ABLIM1: variants seen among roughly 807,000 people sequenced by gnomAD.
ABLIM1 encodes the protein actin-binding LIM protein 1.
In ABLIM1, 40 loss-of-function variants were observed where a neutral mutation model predicts 107.0. The ratio of observed to expected loss-of-function variants is 0.37; its 90% CI spans 0.29 to 0.49. The LOEUF is 0.49. Ranked by LOEUF, ABLIM1 falls within the 20% of genes least tolerant of loss-of-function variation. ABLIM1 has a pLI of 0.97. For synonymous variants in ABLIM1, 357 were observed against 357.3 expected, an observed-to-expected ratio of 1.00 and a Z score of 0.01; for missense variants, 857 against 1,008.5, an observed-to-expected ratio of 0.85 and a Z score of 2.04.
chr10:114,541,627 G>C (rs2066671284), intron 6 of ABLIM1, among the ~76,000 whole-genome samples: 1 of 152,182 alleles, frequency 6.6e-6, no homozygotes, highest in Admixed American at 6.5e-5. Flanking sequence ...GCTGGGTGGA[G>C]GCTGAACATG....
intron 1 of ABLIM1, among the ~76,000 whole-genome samples, chr10:114,725,058 A>G (rs2081928472): frequency 1.3e-5 from 2 of 152,234 alleles, no homozygotes; most frequent in South Asian, 2.1e-4. Flanking sequence ...TACCATGTTT[A>G]CAAAGGGAAA....
intron 12 of ABLIM1, among the ~76,000 whole-genome samples, chr10:114,455,485 A>AT (rs1211929671): frequency 6.6e-6 from 1 of 152,246 alleles, no homozygotes; most frequent in African/African-American, 2.4e-5. Context: ...AAAAATGAGT[A>AT]TAAAAAACAC....
intron 4 of ABLIM1, among the ~76,000 whole-genome samples, chr10:114,553,999 G>A (rs758121218): frequency 1.3e-5 from 2 of 152,218 alleles, no homozygotes; most frequent in Non-Finnish European, 2.9e-5. Flanking sequence ...GACTTCATTA[G>A]TAACAAGCTA....
intron 12 of ABLIM1, among the ~76,000 whole-genome samples, chr10:114,459,181 G>A (rs558060474): frequency 5.3e-5 from 8 of 152,210 alleles, no homozygotes; most frequent in Non-Finnish European, 1.0e-4. Context: ...GGCAAAGGGC[G>A]CCCCCTGCCT....
At chr10:114,601,142 TC>T (rs1302439285) in intron 2 of ABLIM1, among the ~76,000 whole-genome samples, 1 of 151,438 alleles carries the variant, frequency 6.6e-6, no homozygotes, top group African/African-American at 2.4e-5. Context: ...TTCCAAGCTT[TC>T]CAGGCCTCCT....
At chr10:114,613,628 TG>T in intron 1 of ABLIM1, 1 of 1,291,092 alleles carries the variant, frequency 7.7e-7, no homozygotes, top group Non-Finnish European at 1.0e-6. Flanking sequence ...GCTCTTGCAC[TG>T]TGAATAAAGA....
At chr10:114,781,203 C>T in the ABLIM1 span, among the ~76,000 whole-genome samples, 1 of 152,148 alleles carries the variant, frequency 6.6e-6, no homozygotes, top group South Asian at 2.1e-4. Flanking sequence ...AAATCACCCC[C>T]ACTTAAAAAA....
intron 6 of ABLIM1, among the ~76,000 whole-genome samples, chr10:114,503,891 A>T (rs2060768738): frequency 6.6e-6 from 1 of 152,182 alleles, no homozygotes; most frequent in Non-Finnish European, 1.5e-5. Flanking sequence ...TTTCATCTTC[A>T]TCCTTCTGTT....
At chr10:114,793,124 C>T in the ABLIM1 span, among the ~76,000 whole-genome samples, 1 of 152,232 alleles carries the variant, frequency 6.6e-6, no homozygotes, top group African/African-American at 2.4e-5. Context: ...TGCCCTCCAG[C>T]CTGGGCGACA....
chr10:114,524,112 A>G (rs539457361), intron 6 of ABLIM1, among the ~76,000 whole-genome samples: 23 of 152,298 alleles, frequency 1.5e-4, no homozygotes, highest in African/African-American at 5.5e-4. Context: ...GTGTTTCCCT[A>G]TCTGTTCAGC....
intron 1 of ABLIM1, among the ~76,000 whole-genome samples, chr10:114,638,977 T>C (rs1591695221): frequency 6.6e-6 from 1 of 152,230 alleles, no homozygotes; most frequent in Non-Finnish European, 1.5e-5. Flanking sequence ...GGAATGGCAT[T>C]TCTGTGGTTT....
chr10:114,437,813 G>A, intron 22 of ABLIM1, 31 bp downstream of exon 22: 1 of 1,589,368 alleles, frequency 6.3e-7, no homozygotes, highest in Non-Finnish European at 8.6e-7. Context: ...GGGATCTGCA[G>A]TTGGGACTGG....
upstream of ABLIM1, among the ~76,000 whole-genome samples, chr10:114,661,468 G>C (rs775344495): frequency 6.6e-5 from 10 of 152,166 alleles, no homozygotes; most frequent in African/African-American, 1.2e-4. Context: ...ACTTGCAGTG[G>C]TATCTGCCTG....
At chr10:114,747,113 A>T (rs533222746) in intron 1 of ABLIM1, among the ~76,000 whole-genome samples, 1 of 152,202 alleles carries the variant, frequency 6.6e-6, no homozygotes, top group Non-Finnish European at 1.5e-5. Context: ...AATGATCCTT[A>T]AAAAACAGAC....
chr10:114,684,699 G>GA, exon 1 of ABLIM1: 2 of 1,072,976 alleles, frequency 1.9e-6, no homozygotes, highest in Non-Finnish European at 2.3e-6. Flanking sequence ...GCCACTATTA[G>GA]AACACGCCAA....
At chr10:114,799,188 C>T in the ABLIM1 span, among the ~76,000 whole-genome samples, 1 of 152,196 alleles carries the variant, frequency 6.6e-6, no homozygotes, top group African/African-American at 2.4e-5. Flanking sequence ...GTCAATGTTA[C>T]TCTCCTATGC....
At chr10:114,508,985 T>C (rs145567445) in intron 6 of ABLIM1, among the ~76,000 whole-genome samples, 212 of 152,324 alleles carry the variant, frequency 1.4e-3, no homozygotes, top group African/African-American at 4.8e-3. Flanking sequence ...GATCATGAGA[T>C]AGGAACATCA....
At position 114,658,236 on chromosome 10, in the gene ABLIM1, G is replaced by T; in HGVS notation, c.-36C>A. 1 of 1,581,090 alleles carries T rather than the reference G, an allele frequency of 6.3e-7. No individual in the cohort carries two copies. Among genetic ancestry groups the T allele is most frequent in the Non-Finnish European group, 8.6e-7 (1 of 1,159,646 alleles). On this transcript the variant is annotated 5_prime_UTR_variant, in exon 1 of 23. Transcript: ENST00000533213. Reference sequence around the variant, plus strand: ...ATTTCCAAGCAATGAGAAATGGGGAGTGGGGACCCAAGGAGCGGTGCTGCC... The same window carrying T: ...ATTTCCAAGCAATGAGAAATGGGGATTGGGGACCCAAGGAGCGGTGCTGCC...
intron 1 of ABLIM1, among the ~76,000 whole-genome samples, chr10:114,610,900 T>A (rs937941558): frequency 3.9e-5 from 6 of 152,108 alleles, no homozygotes; most frequent in Non-Finnish European, 5.9e-5. Flanking sequence ...ATGTCTGTAA[T>A]CCCAGCACTT....
Sources: allele counts gnomAD v4.1 joint callset (sites outside exome capture counted in the v4.1 genomes callset), GRCh38; gene constraint gnomAD v4.1.1; transcripts MANE v1.5; gene names NCBI Gene and HGNC (gene_info 2026-07-23, HGNC 2026-07-21).